The following LONRF3 variants were observed in gnomAD, a reference collection of about 807,000 sequenced individuals.
LONRF3 encodes the protein LON peptidase N-terminal domain and RING finger protein 3.
LONRF3 carries 19 observed loss-of-function variants against 51.7 expected under a neutral mutation model. The observed-to-expected ratio is 0.37, with a 90% CI of 0.26 to 0.54. The LOEUF (loss-of-function observed/expected upper bound fraction) is 0.54. Ranked by LOEUF, LONRF3 falls within the 20% of genes least tolerant of loss-of-function variation. LONRF3 has a pLI of 0.86. For missense variants in LONRF3, 521 were observed against 623.9 expected (o/e 0.84, Z 1.76); for synonymous variants, 265 against 257.8 (o/e 1.03, Z -0.27).
chrX:118,989,799 C>A, intron 4 of LONRF3, 127 bp downstream of exon 4: 1 of 704,446 alleles, frequency 1.4e-6, no homozygotes, highest in Non-Finnish European at 2.1e-6. Flanking sequence ...CTGGCATTTA[C>A]TAGCTGTGTG....
intron 5 of LONRF3, among the ~76,000 whole-genome samples, chrX:118,996,107 T>C (rs933903399): frequency 2.7e-5 from 3 of 112,248 alleles, no homozygotes; most frequent in African/African-American, 9.7e-5. Context: ...CATAAAGCGA[T>C]GCTGGATTTT....
chrX:118,987,154 C>T, intron 3 of LONRF3: 1 of 834,631 alleles, frequency 1.2e-6, no homozygotes, highest in East Asian at 3.5e-5. Flanking sequence ...GGGAGTGAGC[C>T]CTCCCTCTCC....
rs377631096 is a variant in LONRF3, at chrX:118,988,981, C to T, written c.1060-427C>T. On this transcript the variant is annotated intron_variant, in intron 3 of 10. Coordinates refer to ENST00000371628, the MANE Select transcript of LONRF3 (RefSeq NM_001031855.3). ...GGAGCTGGAGTTTGGGGATCGCAGA[C>T]GGCCGTGAATGGCAGTGAGGGCGAG... 2.1e-4 allele frequency among the ~76,000 whole-genome samples: 23 copies of T among 110,461 alleles called. 1 individual carries two copies. The highest frequency in any genetic ancestry group is 1.1e-3 in the East Asian group (4 of 3,527).
Position 118,997,109 on chromosome X carries a change from G to GA in LONRF3, c.1415+6557dup, listed in dbSNP as rs1259819547. 1.9e-4 allele frequency among the ~76,000 whole-genome samples: 21 copies of GA among 109,437 alleles called. 1 individual carries two copies. The highest frequency in any genetic ancestry group is 4.9e-4 in the Admixed American group (5 of 10,289). ...ATCCCCATCATTCTTCATAGAATTA[G>GA]AAAAAAAACAATTCTAAAATTCATA... On this transcript the variant is annotated intron_variant, in intron 5 of 10. Transcript: ENST00000371628.
chrX:119,008,337 T>C (rs192822535), intron 6 of LONRF3, among the ~76,000 whole-genome samples: 2 of 112,118 alleles, frequency 1.8e-5, no homozygotes, highest in African/African-American at 6.5e-5. Context: ...AGGGGTAGTT[T>C]CCATAGCAAG....
chrX:119,001,322 G>A (rs756988730), intron 5 of LONRF3, among the ~76,000 whole-genome samples: 5 of 111,995 alleles, frequency 4.5e-5, no homozygotes, highest in African/African-American at 9.7e-5. Context: ...ATTTGTTGCC[G>A]CATCATAGAG....
chrX:118,994,696 C>T (rs1351399037), intron 5 of LONRF3, among the ~76,000 whole-genome samples: 1 of 111,280 alleles, frequency 9.0e-6, no homozygotes, highest in East Asian at 2.8e-4. Flanking sequence ...TCACTGCACC[C>T]GGCCCAAAAC....
rs1456579479 is a variant in LONRF3 at position 118,975,573 on chromosome X, A to G, written c.793A>G (p.Lys265Glu). The change falls in exon 1 of 11, where the codon AAG becomes GAG. Residue 265 changes from lysine to glutamate, a missense_variant. This residue lies in a region of LONRF3 where 376 missense variants were observed against 376.7 expected (regional missense o/e 1.00). Coordinates refer to ENST00000371628, the MANE Select transcript of LONRF3 (RefSeq NM_001031855.3). ...GCGCCAGGTGGAGGCGGCACTGCTCAAGTACAACGAGGCAGTTAAGTTGGG... is the reference window on the plus strand; with the variant it reads ...GCGCCAGGTGGAGGCGGCACTGCTCGAGTACAACGAGGCAGTTAAGTTGGG... ...RERQVEAALL[K>E]YNEAVKLAPN... 4.2e-6 allele frequency: 5 copies of G among 1,183,323 alleles called. No individual in the cohort carries two copies. Among genetic ancestry groups the G allele is most frequent in the Non-Finnish European group, 5.7e-6 (5 of 883,239 alleles).
intron 5 of LONRF3, among the ~76,000 whole-genome samples, chrX:119,004,293 A>G: frequency 8.9e-6 from 1 of 112,464 alleles, no homozygotes; most frequent in Non-Finnish European, 1.9e-5. Flanking sequence ...AGTACCAAAA[A>G]GTTGAATACA....
At chrX:118,976,313 C>A (rs1603244837) in intron 1 of LONRF3, 1 of 114,065 alleles carries the variant, frequency 8.8e-6, no homozygotes, top group South Asian at 3.5e-4. Context: ...AGTGGGCCAC[C>A]ACGCTCGCTT....
chrX:119,008,752 G>A (rs766750738), intron 6 of LONRF3, among the ~76,000 whole-genome samples: 14 of 111,379 alleles, frequency 1.3e-4, no homozygotes, highest in Non-Finnish European at 2.6e-4. Flanking sequence ...GACAATTTCT[G>A]TGAGCTTGTA....
rs12687273 is a variant in LONRF3, at chrX:119,007,983, G to A, written c.1531-1143G>A. ...GGCTTTTTGTTTTAGTATCAGCAGA[G>A]GAGTCACCTACTTTTTAGACTGACT... On this transcript the variant is annotated intron_variant, in intron 6 of 10. Coordinates refer to ENST00000371628, the MANE Select transcript of LONRF3 (RefSeq NM_001031855.3). 1.3e-4 allele frequency among the ~76,000 whole-genome samples: 14 copies of A among 111,918 alleles called. No individual in the cohort carries two copies. The East Asian group carries it at 3.9e-3, about 31-fold the overall frequency.
rs189865168 is a variant in LONRF3, at chrX:118,997,176, C to T, written c.1415+6616C>T. On this transcript the variant is annotated intron_variant, in intron 5 of 10. Transcript: ENST00000371628. Reference sequence around the variant, plus strand: ...CCTGCATAGCCAAAGCAAGACTAAGCAAAAAGAACAAATCTGGAGGCATCA... The same window carrying T: ...CCTGCATAGCCAAAGCAAGACTAAGTAAAAAGAACAAATCTGGAGGCATCA... 1.8e-3 allele frequency among the ~76,000 whole-genome samples: 195 copies of T among 111,325 alleles called. 2 individuals carry two copies. The highest frequency in any genetic ancestry group is 2.5e-3 in the Non-Finnish European group (130 of 53,052).
chrX:118,986,092 AC>A (rs1922941468), intron 3 of LONRF3, among the ~76,000 whole-genome samples: 1 of 104,294 alleles, frequency 9.6e-6, no homozygotes, highest in African/African-American at 3.8e-5. Context: ...ACACACACAC[AC>A]ACACACACAA....
At chrX:118,987,180 G>A in intron 3 of LONRF3, 1 of 674,889 alleles carries the variant, frequency 1.5e-6, no homozygotes, top group Non-Finnish European at 2.2e-6. Context: ...TGGTTCCTGA[G>A]AAAGAAGAAA....
At chrX:119,001,453 C>G (rs1462324480) in intron 5 of LONRF3, among the ~76,000 whole-genome samples, 1 of 112,136 alleles carries the variant, frequency 8.9e-6, no homozygotes, top group Non-Finnish European at 1.9e-5. Context: ...TAAATTTTCT[C>G]AATAGTATAA....
At chrX:118,995,969 G>A (rs1209043201) in intron 5 of LONRF3, among the ~76,000 whole-genome samples, 2 of 111,609 alleles carry the variant, frequency 1.8e-5, no homozygotes, top group East Asian at 5.6e-4. Flanking sequence ...AGATAAAGAG[G>A]GAACCCTCCC....
At chrX:119,012,582 G>A (rs1354491134) in intron 8 of LONRF3, among the ~76,000 whole-genome samples, 2 of 110,903 alleles carry the variant, frequency 1.8e-5, no homozygotes, top group Non-Finnish European at 3.8e-5. Flanking sequence ...ATAGTGGAAG[G>A]GCATAGCAGA....
intron 1 of LONRF3, 142 bp downstream of exon 1, chrX:118,975,739 A>C: frequency 5.6e-5 from 5 of 89,159 alleles, no homozygotes; most frequent in East Asian, 3.4e-4. Context: ...GGGGTGGGGG[A>C]GGGGTGATTC....
Sources: gnomAD v4.1 joint callset for allele counts (sites outside exome capture counted in the v4.1 genomes callset) on GRCh38, gnomAD v4.1.1 for gene constraint, gnomAD v4.1.1 regional missense constraint, MANE v1.5 for transcripts, NCBI Gene and HGNC (gene_info 2026-07-23, HGNC 2026-07-21) for gene names.